Variants in KIAA1217 observed in about 807,000 individuals in gnomAD.
KIAA1217 encodes sickle tail protein homolog.
In KIAA1217, 88 loss-of-function variants were observed where a neutral mutation model predicts 163.9. The observed-to-expected ratio is 0.54, with a 90% confidence interval of 0.45 to 0.64. KIAA1217 has a LOEUF of 0.64. Ranked by LOEUF, KIAA1217 falls within the 30% of genes least tolerant of loss-of-function variation. The pLI, the probability that KIAA1217 is intolerant of heterozygous loss-of-function variation, is 0.00. For synonymous variants in KIAA1217, 903 were observed against 923.1 expected, an observed-to-expected ratio of 0.98 and a Z score of 0.39; for missense variants, 2,372 against 2,475.0, an observed-to-expected ratio of 0.96 and a Z score of 0.88.
chr10:24,429,582 A>T (rs991978786), intron 3 of KIAA1217, among the ~76,000 whole-genome samples: 5 of 151,964 alleles, frequency 3.3e-5, no homozygotes, highest in African/African-American at 1.2e-4. Context: ...TGAATTTTAA[A>T]ATTCTGCTCT....
intron 2 of KIAA1217, among the ~76,000 whole-genome samples, chr10:24,103,632 A>AGC (rs988548651): frequency 3.5e-4 from 53 of 152,166 alleles, no homozygotes; most frequent in African/African-American, 8.9e-4. Context: ...ATAGAAAAAA[A>AGC]GCATATGAAA....
intron 2 of KIAA1217, among the ~76,000 whole-genome samples, chr10:24,103,407 G>A (rs757036509): frequency 2.6e-5 from 4 of 152,088 alleles, no homozygotes; most frequent in Non-Finnish European, 4.4e-5. Context: ...TGATAAGCCA[G>A]CCTACATCAA....
rs186491615 is a variant in KIAA1217, at chr10:24,269,324, A to G, written c.354+49415A>G. Among the ~76,000 whole-genome samples, 1,160 of 151,750 alleles carry G rather than the reference A, an allele frequency of 7.6e-3. 31 individuals carry two copies. The highest frequency in any genetic ancestry group is 6.8e-3 in the Non-Finnish European group (463 of 67,968). On this transcript the variant is annotated intron_variant, in intron 2 of 20. Coordinates refer to ENST00000376454, the MANE Select transcript of KIAA1217 (RefSeq NM_019590.5). ...GATCACTGGAGGCCAGGAGTTTGAG[A>G]CCACCCTGGGCAACAGAGCAAGATC... is the stretch of plus-strand genomic sequence containing the variant.
intron 2 of KIAA1217, among the ~76,000 whole-genome samples, chr10:24,194,679 G>A (rs922779241): frequency 6.6e-6 from 1 of 151,282 alleles, no homozygotes; most frequent in African/African-American, 2.4e-5. Context: ...TCTCAGCCAG[G>A]CTCAAGCGAT....
intron 2 of KIAA1217, among the ~76,000 whole-genome samples, chr10:24,268,059 T>A (rs542840744): frequency 3.3e-5 from 5 of 152,186 alleles, no homozygotes; most frequent in Non-Finnish European, 7.3e-5. Context: ...TCATCATCTG[T>A]ACACTAACAG....
intron 2 of KIAA1217, among the ~76,000 whole-genome samples, chr10:24,061,639 A>G (rs1335729775): frequency 6.6e-6 from 1 of 152,206 alleles, no homozygotes; most frequent in Non-Finnish European, 1.5e-5. Flanking sequence ...TTTTTGAAGA[A>G]CAGTTTTGAC....
At chr10:24,352,670 C>A (rs1304929910) in intron 2 of KIAA1217, among the ~76,000 whole-genome samples, 1 of 152,016 alleles carries the variant, frequency 6.6e-6, no homozygotes, top group Non-Finnish European at 1.5e-5. Flanking sequence ...TGATGACAGG[C>A]AAGTGGGATT....
At chr10:24,102,189 G>A (rs1051733214) in intron 2 of KIAA1217, among the ~76,000 whole-genome samples, 3 of 152,180 alleles carry the variant, frequency 2.0e-5, no homozygotes, top group Admixed American at 1.3e-4. Flanking sequence ...AGCAATTATA[G>A]CAAGGTTGTA....
chr10:23,754,449 C>T (rs1279876004), intron 1 of KIAA1217, among the ~76,000 whole-genome samples: 1 of 152,176 alleles, frequency 6.6e-6, no homozygotes, highest in African/African-American at 2.4e-5. Context: ...AGGCTCTGCC[C>T]AGGAGCCTCT....
intron 1 of KIAA1217, among the ~76,000 whole-genome samples, chr10:24,000,205 G>T (rs1364414859): frequency 1.3e-5 from 2 of 152,168 alleles, no homozygotes; most frequent in African/African-American, 4.8e-5. Flanking sequence ...GATATGGTTT[G>T]GTTGTGTCCC....
At chr10:24,194,652 C>T (rs1395001650) in intron 2 of KIAA1217, among the ~76,000 whole-genome samples, 3 of 151,676 alleles carry the variant, frequency 2.0e-5, no homozygotes, top group African/African-American at 7.3e-5. Flanking sequence ...CAGCTCATTG[C>T]AGCCATGATC....
intron 2 of KIAA1217, among the ~76,000 whole-genome samples, chr10:24,111,988 A>G (rs2062865674): frequency 6.6e-6 from 1 of 152,008 alleles, no homozygotes. Flanking sequence ...TTTTGTAGAG[A>G]CAGGGTCTCA....
chr10:23,889,099 C>T (rs908089262), intron 1 of KIAA1217, among the ~76,000 whole-genome samples: 6 of 151,772 alleles, frequency 4.0e-5, no homozygotes, highest in African/African-American at 1.5e-4. Context: ...GGGTAGTTTG[C>T]AGTTTGAAGC....
At chr10:24,503,745 G>GGGGGCCT (rs755225947) in intron 9 of KIAA1217, among the ~76,000 whole-genome samples, 15 of 137,488 alleles carry the variant, frequency 1.1e-4, no homozygotes, top group Non-Finnish European at 2.3e-4. Context: ...GCAGTTCAGA[G>GGGGGCCT]GGGGCCTATC....
intron 1 of KIAA1217, among the ~76,000 whole-genome samples, chr10:23,730,154 G>C (rs1327471607): frequency 1.3e-5 from 2 of 152,230 alleles, no homozygotes; most frequent in Non-Finnish European, 2.9e-5. Context: ...GCCCGCCTCG[G>C]CCTCCCAAAG....
chr10:24,058,941 T>A (rs2060621789), intron 2 of KIAA1217, among the ~76,000 whole-genome samples: 1 of 152,182 alleles, frequency 6.6e-6, no homozygotes, highest in Admixed American at 6.5e-5. Context: ...GTAAGAGTGA[T>A]CATTCTTGTC....
intron 2 of KIAA1217, among the ~76,000 whole-genome samples, chr10:24,231,794 C>T (rs1171289554): frequency 3.3e-5 from 5 of 151,146 alleles, no homozygotes; most frequent in African/African-American, 1.2e-4. Flanking sequence ...TTATTTTTCA[C>T]TCTTGGGTTT....
chr10:23,966,219 T>A (rs1424148030), intron 1 of KIAA1217, among the ~76,000 whole-genome samples: 4 of 152,188 alleles, frequency 2.6e-5, no homozygotes, highest in Non-Finnish European at 5.9e-5. Flanking sequence ...GAGATCACGC[T>A]GACTGATAGA....
intron 3 of KIAA1217, among the ~76,000 whole-genome samples, chr10:24,431,828 C>T (rs2059625016): frequency 6.6e-6 from 1 of 152,116 alleles, no homozygotes; most frequent in Admixed American, 6.5e-5. Context: ...GCACTGGGGC[C>T]CACATACCCC....
Sources: gnomAD v4.1 joint callset for allele counts (sites outside exome capture counted in the v4.1 genomes callset) on GRCh38, gnomAD v4.1.1 for gene constraint, MANE v1.5 for transcripts, NCBI Gene and HGNC (gene_info 2026-07-23, HGNC 2026-07-21) for gene names.